The following BCKDHB variants were observed in gnomAD, a reference collection of about 807,000 sequenced individuals.
The protein encoded by BCKDHB is 2-oxoisovalerate dehydrogenase subunit beta, mitochondrial.
BCKDHB carries 41 observed loss-of-function variants against 48.5 expected under a neutral mutation model. That is an observed-to-expected ratio of 0.85 (90% CI 0.66 to 1.10). BCKDHB has a LOEUF of 1.10. Ranked by LOEUF, BCKDHB falls within the 50% of genes least tolerant of loss-of-function variation. BCKDHB has a pLI of 0.00. For synonymous variants in BCKDHB, 201 were observed against 174.8 expected (o/e 1.15, Z -1.18); for missense variants, 496 against 494.2 (o/e 1.00, Z -0.03).
intron 1 of BCKDHB, among the ~76,000 whole-genome samples, chr6:80,117,975 C>T (rs1240312359): frequency 1.3e-5 from 2 of 152,108 alleles, no homozygotes; most frequent in African/African-American, 4.8e-5. Flanking sequence ...TTTATTCTGG[C>T]TAGGTTCTTA....
At chr6:80,199,147 C>T (rs1023685686) in intron 6 of BCKDHB, among the ~76,000 whole-genome samples, 9 of 151,970 alleles carry the variant, frequency 5.9e-5, no homozygotes, top group Admixed American at 5.3e-4. Context: ...GGAACCTTAG[C>T]GGGGAAGAAT....
intron 8 of BCKDHB, among the ~76,000 whole-genome samples, chr6:80,262,813 T>G (rs1433719395): frequency 1.3e-5 from 2 of 152,156 alleles, no homozygotes; most frequent in Non-Finnish European, 2.9e-5. Flanking sequence ...CTTGGATCAC[T>G]CCTTAAAAAA....
chr6:80,184,942 C>G (rs1240574833), intron 6 of BCKDHB, among the ~76,000 whole-genome samples: 2 of 152,076 alleles, frequency 1.3e-5, no homozygotes, highest in African/African-American at 4.8e-5. Context: ...AATAAATTTC[C>G]CAGGTGTTCT....
the BCKDHB span, among the ~76,000 whole-genome samples, chr6:80,399,602 C>G: frequency 6.6e-4 from 100 of 152,140 alleles, no homozygotes; most frequent in African/African-American, 2.2e-3. Context: ...ACAGAAGACA[C>G]AACAAAGTAT....
chr6:80,170,891 T>C (rs540724256), intron 5 of BCKDHB, among the ~76,000 whole-genome samples: 2 of 152,220 alleles, frequency 1.3e-5, no homozygotes, highest in Non-Finnish European at 1.5e-5. Context: ...GAGAGTTGCA[T>C]GTACTTTGAA....
intron 8 of BCKDHB, among the ~76,000 whole-genome samples, chr6:80,242,799 G>A (rs1388024661): frequency 2.0e-5 from 3 of 152,072 alleles, no homozygotes; most frequent in East Asian, 3.9e-4. Flanking sequence ...TGCTACATCT[G>A]GGGTATAATA....
chr6:80,283,353 A>G (rs188926591), intron 9 of BCKDHB, among the ~76,000 whole-genome samples: 136 of 152,150 alleles, frequency 8.9e-4, no homozygotes, highest in African/African-American at 3.2e-3. Context: ...GCCAGTCAGA[A>G]AAAAGATCAT....
At chr6:80,248,620 G>A (rs555908025) in intron 8 of BCKDHB, among the ~76,000 whole-genome samples, 49 of 152,232 alleles carry the variant, frequency 3.2e-4, no homozygotes, top group Non-Finnish European at 5.3e-4. Flanking sequence ...TGGAGGTAGA[G>A]CTGAAGTGGA....
intron 8 of BCKDHB, among the ~76,000 whole-genome samples, chr6:80,215,746 A>G (rs1775141639): frequency 1.3e-5 from 2 of 152,070 alleles, no homozygotes; most frequent in South Asian, 4.1e-4. Context: ...TTATATATAT[A>G]TACTTTTTGT....
At chr6:80,224,175 T>A (rs1775580837) in intron 8 of BCKDHB, among the ~76,000 whole-genome samples, 1 of 152,162 alleles carries the variant, frequency 6.6e-6, no homozygotes, top group South Asian at 2.1e-4. Context: ...CTTTCAGGTC[T>A]CAGTGGCTCC....
Position 80,127,558 on chromosome 6 carries a change from A to G in BCKDHB, c.208A>G (p.Lys70Glu). Reference protein sequence around the residue: ...PEPREYGQTQKMNLFQSVTSA... With the variant: ...PEPREYGQTQEMNLFQSVTSA... ...TTTGATTTTCACAGGGCAAACTCAG[A>G]AAATGAATCTTTTCCAGTCTGTAAC... Residue 70 changes from lysine to glutamate, a missense_variant, in exon 2 of 10, where the codon AAA becomes GAA. Physicochemically the swap from Lys to Glu is moderately conservative, Grantham distance 56 (BLOSUM62 1). Transcript: ENST00000320393. 6.2e-7 allele frequency: 1 copy of G among 1,613,280 alleles called. No homozygotes were observed. Among genetic ancestry groups the G allele is most frequent in the East Asian group, 2.2e-5 (1 of 44,826 alleles).
chr6:80,199,268 C>T (rs59973779), intron 6 of BCKDHB, among the ~76,000 whole-genome samples: 12,301 of 152,100 alleles, frequency 0.081, 575 homozygotes, highest in South Asian at 0.099. Flanking sequence ...TGAGAGCCGT[C>T]CACAGCAGAC....
intron 9 of BCKDHB, among the ~76,000 whole-genome samples, chr6:80,299,307 T>G (rs910264931): frequency 3.9e-5 from 6 of 152,150 alleles, no homozygotes; most frequent in African/African-American, 1.4e-4. Context: ...TGCAGATGAT[T>G]TTCCTTTGGG....
intron 1 of BCKDHB, among the ~76,000 whole-genome samples, chr6:80,125,478 A>G (rs1371780943): frequency 6.6e-6 from 1 of 152,168 alleles, no homozygotes; most frequent in Non-Finnish European, 1.5e-5. Flanking sequence ...CAACTAGGCT[A>G]TTTGGTGCAA....
At chr6:80,249,008 TC>T (rs1043018731) in intron 8 of BCKDHB, among the ~76,000 whole-genome samples, 1 of 151,786 alleles carries the variant, frequency 6.6e-6, no homozygotes, top group Non-Finnish European at 1.5e-5. Context: ...TTGGTAGGCT[TC>T]CTGGAAACTA....
chr6:80,289,826 A>G (rs1295930828), intron 9 of BCKDHB, among the ~76,000 whole-genome samples: 2 of 152,168 alleles, frequency 1.3e-5, no homozygotes, highest in African/African-American at 4.8e-5. Context: ...GAGCTCCAGC[A>G]GAGAGCAGCC....
Position 80,122,057 on chromosome 6 carries a change from A to C in BCKDHB, c.197-5490A>C, listed in dbSNP as rs540507014. 3.3e-5 allele frequency among the ~76,000 whole-genome samples: 5 copies of C among 152,350 alleles called. No individual in the cohort carries two copies. The South Asian group carries it at 1.0e-3, about 32-fold the overall frequency. ...ACCTAGTTTATTGAGAGTTTTTAGC[A>C]TGAAGGGCTGTTGAATTTTGTCGAA... On this transcript the variant is annotated intron_variant, in intron 1 of 9. Transcript: ENST00000320393.
At chr6:80,146,264 G>A (rs1421649222) in intron 3 of BCKDHB, among the ~76,000 whole-genome samples, 1 of 152,034 alleles carries the variant, frequency 6.6e-6, no homozygotes, top group Non-Finnish European at 1.5e-5. Flanking sequence ...GTATACATAG[G>A]CCAAAGCAAA....
At chr6:80,163,180 C>T (rs542229340) in intron 3 of BCKDHB, among the ~76,000 whole-genome samples, 4 of 152,168 alleles carry the variant, frequency 2.6e-5, no homozygotes, top group Non-Finnish European at 2.9e-5. Context: ...GGTGGGATTA[C>T]AGGTGTGAGC....
Sources: allele counts gnomAD v4.1 joint callset (sites outside exome capture counted in the v4.1 genomes callset), GRCh38; gene constraint gnomAD v4.1.1; transcripts MANE v1.5; gene names NCBI Gene and HGNC (gene_info 2026-07-23, HGNC 2026-07-21).